WDR76: variants seen among roughly 807,000 people sequenced by gnomAD.
WDR76 encodes the protein WD repeat domain 76, also known as WD repeat-containing protein 76.
WDR76 carries 52 observed loss-of-function variants against 70.2 expected under a neutral mutation model. The observed-to-expected ratio is 0.74, with a 90% confidence interval of 0.59 to 0.93. The LOEUF (loss-of-function observed/expected upper bound fraction) is 0.93, where lower values mean the gene tolerates loss of function less well. Ranked by LOEUF, WDR76 falls within the 40% of genes least tolerant of loss-of-function variation. WDR76 has a pLI of 0.00. For missense variants in WDR76, 756 were observed against 760.2 expected (o/e 0.99, Z 0.07); for synonymous variants, 292 against 271.1 (o/e 1.08, Z -0.76).
At chr15:43,851,707 G>C (rs1220813311) in intron 9 of WDR76, among the ~76,000 whole-genome samples, 1 of 152,192 alleles carries the variant, frequency 6.6e-6, no homozygotes, top group African/African-American at 2.4e-5. Flanking sequence ...GCCAAGGTGG[G>C]AGACTCACTT....
intron 11 of WDR76, 101 bp downstream of exon 11, chr15:43,858,924 TG>T (rs2087964169): frequency 7.1e-7 from 1 of 1,406,316 alleles, no homozygotes; most frequent in Non-Finnish European, 9.6e-7. Context: ...CCTATTAAAT[TG>T]CTAGTGTTAT....
chr15:43,854,390 T>C (rs895844529), intron 9 of WDR76, among the ~76,000 whole-genome samples: 1 of 151,754 alleles, frequency 6.6e-6, no homozygotes, highest in Non-Finnish European at 1.5e-5. Context: ...GCCAACATAG[T>C]GAAACCGCAC....
At chr15:43,862,405 C>G in intron 12 of WDR76, among the ~76,000 whole-genome samples, 1 of 149,102 alleles carries the variant, frequency 6.7e-6, no homozygotes, top group Admixed American at 6.7e-5. Flanking sequence ...GCAGCCTCCG[C>G]CTCCTGGGTG....
intron 11 of WDR76, among the ~76,000 whole-genome samples, chr15:43,860,823 A>T (rs941112061): frequency 1.3e-5 from 2 of 151,876 alleles, no homozygotes; most frequent in African/African-American, 4.8e-5. Context: ...TTTCTACGCT[A>T]AACTATAAGC....
intron 8 of WDR76, among the ~76,000 whole-genome samples, chr15:43,844,615 A>G (rs937969168): frequency 4.7e-5 from 6 of 128,810 alleles, no homozygotes; most frequent in Non-Finnish European, 9.2e-5. Flanking sequence ...CTCCGTCTCA[A>G]AAAAAAAAAA....
intron 8 of WDR76, among the ~76,000 whole-genome samples, chr15:43,849,577 C>T (rs185270403): frequency 8.6e-5 from 13 of 151,790 alleles, no homozygotes; most frequent in East Asian, 1.9e-4. Context: ...CTCGCTTTGT[C>T]GCCCAGGCTG....
At chr15:43,830,562 CAA>C (rs1244207750) in intron 2 of WDR76, among the ~76,000 whole-genome samples, 11 of 49,232 alleles carry the variant, frequency 2.2e-4, no homozygotes, top group Admixed American at 4.2e-4. Context: ...AACTCCGTCT[CAA>C]AAAAAAAAAA....
Position 43,866,161 on chromosome 15 carries a change from G to A in WDR76, c.1650G>A (p.Arg550=). Reference sequence around the variant, plus strand: ...CTTTCACTGGGCGATGGCTGACCAGGTTCCAAGCCATGTGGGATCCTAAAC... The same window carrying A: ...CTTTCACTGGGCGATGGCTGACCAGATTCCAAGCCATGTGGGATCCTAAAC... ...HNTFTGRWLT[R]FQAMWDPKQE... Residue 550 remains arginine (R), a synonymous_variant, in exon 13 of 13, where the codon AGG becomes AGA. Coordinates refer to ENST00000263795, the MANE Select transcript of WDR76 (RefSeq NM_024908.4). The A allele has an allele frequency of 6.2e-7, 1 of 1,614,210 alleles. No individual in the cohort carries two copies. Among genetic ancestry groups the A allele is most frequent in the Non-Finnish European group, 8.5e-7 (1 of 1,180,040 alleles).
At chr15:43,857,820 CA>C (rs972013972) in intron 10 of WDR76, among the ~76,000 whole-genome samples, 833 of 57,984 alleles carry the variant, frequency 0.014, 8 homozygotes, top group African/African-American at 0.051. Context: ...CTCTTGTCTC[CA>C]AAAAAAAAAA....
rs201304087 is a variant in WDR76, at chr15:43,832,743, G to GTTTTTTTTTTTTTTTT, written c.463-2306_463-2291dup. 5.9e-5 allele frequency among the ~76,000 whole-genome samples: 4 copies of GTTTTTTTTTTTTTTTT among 68,114 alleles called. 2 individuals carry two copies. The highest frequency in any genetic ancestry group is 5.1e-4 in the Admixed American group (2 of 3,926). 44.7% of individuals were successfully genotyped at this position (68,114 alleles called of 152,430 possible). On this transcript the variant is annotated intron_variant, in intron 2 of 12. Transcript: ENST00000263795. ...TGAGCCATTGCACCCGGCTTGCTTT[G>GTTTTTTTTTTTTTTTT]TTTTTTTTTTTTTTTTTTTTTTTTT...
At chr15:43,844,819 T>G (rs1379896246) in intron 8 of WDR76, among the ~76,000 whole-genome samples, 2 of 141,314 alleles carry the variant, frequency 1.4e-5, no homozygotes, top group Admixed American at 7.4e-5. Flanking sequence ...TCCCAGCTAC[T>G]CGGGAGGCTG....
intron 3 of WDR76, among the ~76,000 whole-genome samples, chr15:43,835,960 C>CTT (rs373992407): frequency 6.6e-5 from 9 of 137,032 alleles, no homozygotes; most frequent in Non-Finnish European, 1.3e-4. Flanking sequence ...CCTGGCCTGT[C>CTT]TTTTTTTTTT....
At chr15:43,850,821 G>A (rs2087848543) in intron 8 of WDR76, among the ~76,000 whole-genome samples, 2 of 152,150 alleles carry the variant, frequency 1.3e-5, no homozygotes, top group South Asian at 4.1e-4. Flanking sequence ...TAAACTGACA[G>A]TAATATATAA....
intron 4 of WDR76, among the ~76,000 whole-genome samples, chr15:43,837,475 T>G (rs1199761002): frequency 1.3e-5 from 2 of 152,178 alleles, no homozygotes. Context: ...ATTCTAGCCC[T>G]TAATAGTTGT....
chr15:43,839,775 A>T lies in WDR76; in HGVS notation c.732+47A>T, dbSNP rs753737817. 2.0e-6 allele frequency: 3 copies of T among 1,532,780 alleles called. No individual in the cohort carries two copies. In the South Asian group the frequency reaches 3.8e-5, roughly 19 times the overall value. 94.9% of individuals were successfully genotyped at this position (1,532,780 alleles called of 1,614,324 possible). A position where few individuals can be genotyped will look rare whatever the true frequency, so the allele number is the denominator to read the frequency against. ...ATATTTTAATGTAATAAAATACTGA[A>T]AAATTTGAAGTGTTGAAACTAGACT... On this transcript the variant is annotated intron_variant, in intron 5 of 12. Coordinates refer to ENST00000263795, the MANE Select transcript of WDR76 (RefSeq NM_024908.4).
At position 43,843,013 on chromosome 15, in the gene WDR76, C is replaced by CTTTTT. The variant is rs370773260; in HGVS notation, c.878+359_878+363dup. 3.4e-3 allele frequency among the ~76,000 whole-genome samples: 403 copies of CTTTTT among 119,898 alleles called. 1 individual carries two copies. Among genetic ancestry groups the CTTTTT allele is most frequent in the African/African-American group, 4.5e-3 (141 of 31,330 alleles). The allele number at this position is 119,898 out of a possible 152,430, so 78.7% of individuals were successfully genotyped here. ...TTTTGCATTACACTTTTTTCTTTTT[C>CTTTTT]TTTTTTTTTTTTTTTTTTTTTGTTT... On this transcript the variant is annotated intron_variant, in intron 7 of 12. Transcript: ENST00000263795.
At chr15:43,857,820 CAAAAAAAAAAA>C (rs972013972) in intron 10 of WDR76, among the ~76,000 whole-genome samples, 12 of 57,936 alleles carry the variant, frequency 2.1e-4, no homozygotes, top group Non-Finnish European at 3.5e-4. Context: ...CTCTTGTCTC[CAAAAAAAAAAA>C]AAAAAAAAAA....
In WDR76 at chr15:43,836,152, A is replaced by T; in HGVS notation, c.553-9A>T. 3 of 1,601,942 alleles carry T rather than the reference A, an allele frequency of 1.9e-6. No homozygotes were observed. The highest frequency in any genetic ancestry group is 2.6e-6 in the Non-Finnish European group (3 of 1,175,434). On this transcript the variant is annotated splice_polypyrimidine_tract_variant and intron_variant, in intron 3 of 12. Coordinates refer to ENST00000263795, the MANE Select transcript of WDR76 (RefSeq NM_024908.4). Reference sequence around the variant, plus strand: ...TATAACATTTTTACATGATTTTTATACTTTACAGTCTGCTGCAAGACTCCG... The same window carrying T: ...TATAACATTTTTACATGATTTTTATTCTTTACAGTCTGCTGCAAGACTCCG...
chr15:43,848,082 C>G (rs544472997), intron 8 of WDR76, among the ~76,000 whole-genome samples: 1 of 146,786 alleles, frequency 6.8e-6, no homozygotes, highest in Non-Finnish European at 1.5e-5. Context: ...AACAAACAAA[C>G]AAAAAAAAAA....
Sources: gnomAD v4.1 joint callset for allele counts (sites outside exome capture counted in the v4.1 genomes callset) on GRCh38, gnomAD v4.1.1 for gene constraint, MANE v1.5 for transcripts, NCBI Gene and HGNC (gene_info 2026-07-23, HGNC 2026-07-21) for gene names.